SKAP2: variants seen among roughly 807,000 people sequenced by gnomAD.
SKAP2 encodes the protein src kinase-associated phosphoprotein 2.
SKAP2 carries 28 observed loss-of-function variants against 54.9 expected under a neutral mutation model. The ratio of observed to expected loss-of-function variants is 0.51; its 90% CI spans 0.38 to 0.70. SKAP2 has a LOEUF of 0.70. Ranked by LOEUF, SKAP2 falls within the 30% of genes least tolerant of loss-of-function variation. The probability of loss-of-function intolerance (pLI) is 0.00; values close to 1 mark genes in which losing one functional copy is unlikely to be tolerated. For missense variants in SKAP2, 356 were observed against 424.1 expected (o/e 0.84, Z 1.41); for synonymous variants, 137 against 134.3 (o/e 1.02, Z -0.14).
At chr7:26,656,498 T>A in the SKAP2 span, among the ~76,000 whole-genome samples, 1 of 152,196 alleles carries the variant, frequency 6.6e-6, no homozygotes, top group Non-Finnish European at 1.5e-5. Context: ...AGCAGACAAG[T>A]GTACAAACAA....
At chr7:26,704,769 G>A (rs892663626) in intron 9 of SKAP2, among the ~76,000 whole-genome samples, 1 of 152,168 alleles carries the variant, frequency 6.6e-6, no homozygotes, top group South Asian at 2.1e-4. Context: ...TGGAGGTCTT[G>A]ATGCTCATTC....
In SKAP2 at chr7:26,820,411, C is replaced by A. The variant is rs192748814; in HGVS notation, c.307+23619G>T. Reference sequence around the variant, plus strand: ...TTTGGTCATCAAGTAGGTAAACAACCAACCAAAGAATGAAATCATTTGAAA... The same window carrying A: ...TTTGGTCATCAAGTAGGTAAACAACAAACCAAAGAATGAAATCATTTGAAA... On this transcript the variant is annotated intron_variant, in intron 4 of 12. Coordinates refer to ENST00000345317, the MANE Select transcript of SKAP2 (RefSeq NM_003930.5). Among the ~76,000 whole-genome samples, 375 of 151,720 alleles carry A rather than the reference C, an allele frequency of 2.5e-3. 2 individuals carry two copies. The highest frequency in any genetic ancestry group is 8.9e-3 in the African/African-American group (369 of 41,354).
rs527528492 is a variant in SKAP2 at position 26,828,388 on chromosome 7, T to C, written c.307+15642A>G. On this transcript the variant is annotated intron_variant, in intron 4 of 12. Coordinates refer to ENST00000345317, the MANE Select transcript of SKAP2 (RefSeq NM_003930.5). ...TCAAGAGTTCACTGAGCTTAAAAGG[T>C]ATAGCAAGGCCGGGCGCGGTGGCTA... Among the ~76,000 whole-genome samples the C allele has an allele frequency of 1.3e-4, 20 of 152,178 alleles. No homozygotes were observed. The East Asian group carries it at 2.5e-3, about 19-fold the overall frequency.
chr7:26,802,277 G>T (rs6978224), intron 4 of SKAP2, among the ~76,000 whole-genome samples: 118 of 118,298 alleles, frequency 1.0e-3, no homozygotes, highest in African/African-American at 2.4e-3. Context: ...TTTTTTTTTG[G>T]TTTTTTTTTT....
In SKAP2 at chr7:26,708,659, G is replaced by A. The variant is rs114848509; in HGVS notation, c.796+16769C>T. Among the ~76,000 whole-genome samples the A allele has an allele frequency of 4.9e-3, 742 of 152,232 alleles. 5 individuals are homozygous for A. The highest frequency in any genetic ancestry group is 0.017 in the African/African-American group (702 of 41,528). On this transcript the variant is annotated intron_variant, in intron 9 of 12. Transcript: ENST00000345317. Reference sequence around the variant, plus strand: ...ACATATTTCTTACTGGGTATGAGTAGCACTGAACAGACAAGCCCTTTTAGG... The same window carrying A: ...ACATATTTCTTACTGGGTATGAGTAACACTGAACAGACAAGCCCTTTTAGG...
chr7:26,853,280 G>A (rs1483452762), intron 3 of SKAP2, among the ~76,000 whole-genome samples: 3 of 152,114 alleles, frequency 2.0e-5, no homozygotes, highest in African/African-American at 4.8e-5. Flanking sequence ...ATGCCATACT[G>A]TGTGTCTTCC....
At chr7:26,726,228 C>T (rs1304542378) in intron 7 of SKAP2, among the ~76,000 whole-genome samples, 2 of 152,146 alleles carry the variant, frequency 1.3e-5, no homozygotes, top group Non-Finnish European at 2.9e-5. Context: ...AGCTGCTTCT[C>T]TTTCATCAAT....
intron 4 of SKAP2, among the ~76,000 whole-genome samples, chr7:26,828,505 G>A (rs185457967): frequency 1.1e-4 from 17 of 151,006 alleles, no homozygotes; most frequent in Admixed American, 4.6e-4. Context: ...GTGAAACCCC[G>A]TCTCTACTAA....
intron 9 of SKAP2, 84 bp from the exon 10 acceptor site, chr7:26,690,446 C>A: frequency 1.2e-6 from 1 of 849,114 alleles, no homozygotes; most frequent in South Asian, 1.5e-5. Context: ...AAAAGCAAAA[C>A]TAAAAGTTTA....
At chr7:26,770,494 C>T (rs976193742) in intron 4 of SKAP2, among the ~76,000 whole-genome samples, 2 of 152,092 alleles carry the variant, frequency 1.3e-5, no homozygotes, top group Non-Finnish European at 2.9e-5. Context: ...CCAGGTGCCA[C>T]TGGAGTATGA....
chr7:26,750,487 C>T (rs6943623), intron 4 of SKAP2, among the ~76,000 whole-genome samples: 93,711 of 151,412 alleles, frequency 0.62, 29,576 homozygotes, highest in East Asian at 0.88. Context: ...ATTTTTGTAT[C>T]TGTAGTAGAG....
chr7:26,849,108 T>A (rs1350703996), intron 3 of SKAP2, among the ~76,000 whole-genome samples: 2 of 152,204 alleles, frequency 1.3e-5, no homozygotes, highest in Admixed American at 6.5e-5. Flanking sequence ...AAACACACTA[T>A]GTTAGGAAGG....
At chr7:26,844,256 A>G in intron 3 of SKAP2, 119 bp from the exon 4 acceptor site, 1 of 614,120 alleles carries the variant, frequency 1.6e-6, no homozygotes, top group South Asian at 2.1e-5. Flanking sequence ...AAATTGAGTC[A>G]TTGTCATGGA....
At chr7:26,698,696 G>A (rs975189863) in intron 9 of SKAP2, among the ~76,000 whole-genome samples, 1 of 152,142 alleles carries the variant, frequency 6.6e-6, no homozygotes, top group Non-Finnish European at 1.5e-5. Context: ...TTTTATTCAT[G>A]GAACACCATT....
intron 4 of SKAP2, among the ~76,000 whole-genome samples, chr7:26,789,295 T>C (rs1259595143): frequency 1.3e-5 from 2 of 152,222 alleles, no homozygotes; most frequent in Non-Finnish European, 2.9e-5. Context: ...CAATAATATC[T>C]GATGTCCAAA....
intron 4 of SKAP2, among the ~76,000 whole-genome samples, chr7:26,792,192 G>A (rs532233703): frequency 6.6e-6 from 1 of 152,286 alleles, no homozygotes; most frequent in African/African-American, 2.4e-5. Flanking sequence ...TGGGTGTGGA[G>A]GCAGGGTACT....
chr7:26,768,958 A>T (rs1783123360), intron 4 of SKAP2, among the ~76,000 whole-genome samples: 1 of 152,062 alleles, frequency 6.6e-6, no homozygotes, highest in South Asian at 2.1e-4. Context: ...CTCGAGGAGT[A>T]TCTTTGTGGT....
intron 4 of SKAP2, chr7:26,742,257 G>A (rs576520942): frequency 3.9e-5 from 6 of 152,134 alleles, no homozygotes; most frequent in South Asian, 4.1e-4. Context: ...CACTTCCATT[G>A]GGCATAATAA....
At chr7:26,728,930 T>C (rs1420213016) in intron 6 of SKAP2, among the ~76,000 whole-genome samples, 2 of 151,956 alleles carry the variant, frequency 1.3e-5, no homozygotes, top group African/African-American at 2.4e-5. Context: ...TACCTCCAAT[T>C]TCGGTCTAAA....
Sources: gnomAD v4.1 joint callset for allele counts (sites outside exome capture counted in the v4.1 genomes callset) on GRCh38, gnomAD v4.1.1 for gene constraint, MANE v1.5 for transcripts, NCBI Gene and HGNC (gene_info 2026-07-23, HGNC 2026-07-21) for gene names.